C5orf34: variants seen among roughly 807,000 people sequenced by gnomAD.
C5orf34 encodes chromosome 5 open reading frame 34.
C5orf34 carries 73 observed loss-of-function variants against 78.4 expected under a neutral mutation model. The observed-to-expected ratio is 0.93, with a 90% CI of 0.77 to 1.13. The LOEUF is 1.13. Among genes scored for constraint, C5orf34 ranks in the 50% most tolerant of loss-of-function variants. The probability of loss-of-function intolerance (pLI) is 0.00; values close to 1 mark genes in which losing one functional copy is unlikely to be tolerated. For synonymous variants in C5orf34, 251 were observed against 246.6 expected (o/e 1.02, Z -0.17); for missense variants, 730 against 732.7 (o/e 1.00, Z 0.04).
chr5:43,511,891 C>T (rs959246159), intron 1 of C5orf34, among the ~76,000 whole-genome samples: 6 of 152,096 alleles, frequency 3.9e-5, no homozygotes, highest in Admixed American at 6.5e-5. Flanking sequence ...ACAAACACTG[C>T]GGAAGGCTGC....
chr5:43,507,970 C>T (rs894028474), intron 3 of C5orf34, among the ~76,000 whole-genome samples: 3 of 149,834 alleles, frequency 2.0e-5, no homozygotes, highest in African/African-American at 4.9e-5. Context: ...CCCAGCTACT[C>T]GGGAGGCTGA....
intron 10 of C5orf34, among the ~76,000 whole-genome samples, chr5:43,491,863 G>T (rs1362513210): frequency 6.6e-6 from 1 of 152,062 alleles, no homozygotes; most frequent in Non-Finnish European, 1.5e-5. Context: ...AATTAGCCGG[G>T]CATGGTGGCA....
chr5:43,512,693 C>T (rs1356377815), intron 1 of C5orf34, among the ~76,000 whole-genome samples: 1 of 148,996 alleles, frequency 6.7e-6, no homozygotes, highest in African/African-American at 2.5e-5. Flanking sequence ...TCTTCAAGAC[C>T]TGACCTTAGT....
chr5:43,491,952 C>T (rs111308398), intron 10 of C5orf34, among the ~76,000 whole-genome samples: 1,799 of 147,818 alleles, frequency 0.012, 43 homozygotes, highest in African/African-American at 0.044. Flanking sequence ...TGTGGTGAGC[C>T]GAGATCGTGC....
chr5:43,494,248 G>A (rs1042680751), intron 7 of C5orf34, among the ~76,000 whole-genome samples: 10 of 151,800 alleles, frequency 6.6e-5, no homozygotes, highest in African/African-American at 2.4e-4. Flanking sequence ...GCAAAGAAAG[G>A]GCACTTACTT....
At position 43,505,846 on chromosome 5, in the gene C5orf34, A is replaced by G. The variant is rs779147022; in HGVS notation, c.834T>C (p.Ser278=). 21 of 1,613,186 alleles carry G rather than the reference A, an allele frequency of 1.3e-5. No individual in the cohort carries two copies. Among genetic ancestry groups the G allele is most frequent in the Non-Finnish European group, 1.8e-5 (21 of 1,179,558 alleles). The change falls in exon 4 of 13, where the codon AGT becomes AGC. Residue 278 remains serine (S), a synonymous_variant. Transcript: ENST00000306862. Reference sequence around the variant, plus strand: ...CTGAAATATCAGAAGTTAAAAATCTACTCTGAGTTATATGTGCATCAATTT... The same window carrying G: ...CTGAAATATCAGAAGTTAAAAATCTGCTCTGAGTTATATGTGCATCAATTT... ...MSKIDAHITQ[S]RFLTSDISEE...
chr5:43,493,455 T>C, intron 8 of C5orf34, 88 bp downstream of exon 8: 2 of 775,478 alleles, frequency 2.6e-6, no homozygotes, highest in East Asian at 5.5e-5. Context: ...TCACATGACT[T>C]AGAGGAAAAC....
In C5orf34 at chr5:43,490,336, T is replaced by C. The variant is rs866931733; in HGVS notation, c.1679+295A>G. 5.0e-5 allele frequency: 10 copies of C among 201,814 alleles called. 1 individual carries two copies. The highest frequency in any genetic ancestry group is 3.5e-3 in the Middle Eastern group (2 of 574). The allele number at this position is 201,814 out of a possible 1,614,324, so 12.5% of individuals were successfully genotyped here. A position where few individuals can be genotyped will look rare whatever the true frequency, so the allele number is the denominator to read the frequency against. ...TAAGAATCCCCTTTAAATTTTTCCATAAAGTTTTCAGGATGAATTTGTCAC... is the reference window on the plus strand; with the variant it reads ...TAAGAATCCCCTTTAAATTTTTCCACAAAGTTTTCAGGATGAATTTGTCAC... On this transcript the variant is annotated intron_variant, in intron 11 of 12. Coordinates refer to ENST00000306862, the MANE Select transcript of C5orf34 (RefSeq NM_198566.4).
At position 43,505,844 on chromosome 5, in the gene C5orf34, C is replaced by A; in HGVS notation, c.836G>T (p.Arg279Ile). The A allele has an allele frequency of 6.2e-7, 1 of 1,613,198 alleles. No individual in the cohort carries two copies. The highest frequency in any genetic ancestry group is 8.5e-7 in the Non-Finnish European group (1 of 1,179,498). ...SKIDAHITQS[R>I]FLTSDISEER... ...CTCTGAAATATCAGAAGTTAAAAAT[C>A]TACTCTGAGTTATATGTGCATCAAT... Residue 279 changes from arginine to isoleucine, a missense_variant, in exon 4 of 13, where the codon AGA (arginine) becomes ATA (isoleucine). Transcript: ENST00000306862.
chr5:43,506,848 T>C (rs1746004962), intron 3 of C5orf34, among the ~76,000 whole-genome samples: 1 of 151,124 alleles, frequency 6.6e-6, no homozygotes, highest in African/African-American at 2.4e-5. Flanking sequence ...ATAGCTTAAA[T>C]GGTACAGGAC....
In C5orf34 at chr5:43,492,856, A is replaced by G; in HGVS notation, c.1349T>C (p.Leu450Ser). Residue 450 changes from leucine to serine, a missense_variant, in exon 9 of 13, where the codon TTG (leucine) becomes TCG (serine). Leu to Ser is a moderately radical substitution (Grantham distance 145). Coordinates refer to ENST00000306862, the MANE Select transcript of C5orf34 (RefSeq NM_198566.4). ...PGINDSNILP[L>S]VLKESLIPSV... ...GGGTATGAGTGACTCTTTCAAAACC[A>G]AAGGCAGTATATTGCTATCATTTAT... 1 of 1,610,358 alleles carries G rather than the reference A, an allele frequency of 6.2e-7. No homozygotes were observed. The highest frequency in any genetic ancestry group is 2.2e-5 in the East Asian group (1 of 44,746).
intron 1 of C5orf34, among the ~76,000 whole-genome samples, chr5:43,510,889 T>C (rs1307061848): frequency 3.9e-5 from 6 of 152,230 alleles, no homozygotes; most frequent in Non-Finnish European, 5.9e-5. Flanking sequence ...GGAGTGTCTC[T>C]GCCTGGCCGC....
chr5:43,506,296 T>C lies in C5orf34; in HGVS notation c.384A>G (p.Leu128=). ...MESGIVKITS[L]DGHAYLCLPR... ...GCAGGCAGAGGTATGCATGACCATC[T>C]AAAGATGTTATCTTCACAATGCCAC... is the stretch of plus-strand genomic sequence containing the variant. The change falls in exon 4 of 13, where the codon TTA becomes TTG. Residue 128 remains leucine, a synonymous_variant. Transcript: ENST00000306862. The C allele has an allele frequency of 1.2e-6, 2 of 1,614,156 alleles. No individual in the cohort carries two copies. The highest frequency in any genetic ancestry group is 2.2e-5 in the East Asian group (1 of 44,880).
At chr5:43,491,185 T>C (rs2112268655) in intron 10 of C5orf34, among the ~76,000 whole-genome samples, 1 of 152,342 alleles carries the variant, frequency 6.6e-6, no homozygotes. Context: ...TGTAATTATA[T>C]GTAACTTACT....
At chr5:43,503,784 A>G (rs758627204) in intron 4 of C5orf34, 24 bp from the exon 5 acceptor site, 1 of 1,469,126 alleles carries the variant, frequency 6.8e-7, no homozygotes, top group Non-Finnish European at 9.5e-7. Flanking sequence ...AATACAAGCT[A>G]TTACTTCTGG....
Position 43,502,486 on chromosome 5 carries a change from A to T in C5orf34, c.1038T>A (p.His346Gln). The part of the protein sequence containing the change: ...WYKGVTYRLT[H>Q]QNMNSIEIYS... ...AAATCTCTATTGAGTTCATATTTTG[A>T]TGGGTAAGTCTAAGAAATAGAAATA... Residue 346 changes from histidine (H) to glutamine (Q), a missense_variant, in exon 6 of 13, where the codon CAT (histidine) becomes CAA (glutamine). Transcript: ENST00000306862. 6.4e-7 allele frequency: 1 copy of T among 1,558,774 alleles called. No homozygotes were observed. The highest frequency in any genetic ancestry group is 1.4e-5 in the African/African-American group (1 of 73,160).
chr5:43,492,075 C>A, intron 10 of C5orf34, 140 bp downstream of exon 10: 1 of 445,878 alleles, frequency 2.2e-6, no homozygotes, highest in Non-Finnish European at 4.1e-6. Flanking sequence ...GCTATCAACT[C>A]TGAAACGACT....
intron 6 of C5orf34, chr5:43,495,605 A>G (rs1372840959): frequency 6.2e-7 from 1 of 1,611,608 alleles, no homozygotes; most frequent in African/African-American, 1.3e-5. Context: ...TTCTGTTGTA[A>G]TGTTGACTGG....
chr5:43,496,034 G>T, intron 6 of C5orf34: 13 of 1,591,138 alleles, frequency 8.2e-6, no homozygotes, highest in Non-Finnish European at 1.0e-5. Context: ...CACACCCAGT[G>T]TGTAAGCCAG....
Sources: gnomAD v4.1 joint callset for allele counts (sites outside exome capture counted in the v4.1 genomes callset) on GRCh38, gnomAD v4.1.1 for gene constraint, MANE v1.5 for transcripts, NCBI Gene and HGNC (gene_info 2026-07-23, HGNC 2026-07-21) for gene names.